The following CLEC4D variants were observed in gnomAD, a reference collection of about 807,000 sequenced individuals.
The protein encoded by CLEC4D is C-type lectin domain family 4 member D, also known as C-type (calcium dependent, carbohydrate-recognition domain) lectin, superfamily member 8.
CLEC4D carries 21 observed loss-of-function variants against 21.1 expected under a neutral mutation model. That is an observed-to-expected ratio of 1.00 (90% CI 0.71 to 1.43). CLEC4D has a LOEUF of 1.43. CLEC4D is among the 40% of genes most tolerant of loss of function. CLEC4D has a pLI of 0.00. For missense variants in CLEC4D, 289 were observed against 260.7 expected, an observed-to-expected ratio of 1.11 and a Z score of -0.75; for synonymous variants, 85 against 83.1, an observed-to-expected ratio of 1.02 and a Z score of -0.12.
chr12:8,517,819 G>C (rs761335661), intron 2 of CLEC4D, among the ~76,000 whole-genome samples: 5 of 152,050 alleles, frequency 3.3e-5, no homozygotes, highest in Non-Finnish European at 5.9e-5. Context: ...GGTGGCGGGC[G>C]CCTGTAGTCC....
At chr12:8,531,011 C>T in the CLEC4D span, among the ~76,000 whole-genome samples, 16 of 152,204 alleles carry the variant, frequency 1.1e-4, no homozygotes, top group East Asian at 1.9e-4. Context: ...TCACCCTGCC[C>T]GGTGCCCTGT....
Position 8,515,260 on chromosome 12 carries a change from T to A in CLEC4D, c.53T>A (p.Leu18Gln). Residue 18 changes from leucine to glutamine, a missense_variant, in exon 2 of 6, where the codon CTG (leucine) becomes CAG (glutamine). Leu to Gln is a moderately radical substitution (Grantham distance 113, BLOSUM62 -2). Transcript: ENST00000299665. Reference protein sequence around the residue: ...SKLEGGMHPQLIPSVIAVVFI... With the variant: ...SKLEGGMHPQQIPSVIAVVFI... ...GTGGAAGGAGGCATGCATCCCCAGCTGATACCTTCGGTTATTGCTGTAGTT... is the reference window on the plus strand; with the variant it reads ...GTGGAAGGAGGCATGCATCCCCAGCAGATACCTTCGGTTATTGCTGTAGTT... 6.6e-7 allele frequency: 1 copy of A among 1,509,886 alleles called. No individual in the cohort carries two copies. The highest frequency in any genetic ancestry group is 9.2e-7 in the Non-Finnish European group (1 of 1,085,364). The allele number at this position is 1,509,886 out of a possible 1,614,324, so 93.5% of individuals were successfully genotyped here. A position where few individuals can be genotyped will look rare whatever the true frequency, so the allele number is the denominator to read the frequency against.
chr12:8,516,329 TAGG>T (rs1025090886), intron 2 of CLEC4D, among the ~76,000 whole-genome samples: 6 of 152,052 alleles, frequency 3.9e-5, no homozygotes, highest in Admixed American at 1.3e-4. Flanking sequence ...TAAAAAGCCA[TAGG>T]AGAAGATACT....
At position 8,521,456 on chromosome 12, in the gene CLEC4D, G is replaced by C; in HGVS notation, c.*185G>C. ...CATGTGTGTATGTGTGTGTGTGTGT[G>C]TGTAGATAATGTGGTTTTTGTATGG... On this transcript the variant is annotated 3_prime_UTR_variant, in exon 6 of 6. Transcript: ENST00000299665. The C allele has an allele frequency of 8.0e-7, 1 of 1,246,932 alleles. No individual in the cohort carries two copies. The highest frequency in any genetic ancestry group is 1.0e-6 in the Non-Finnish European group (1 of 962,432). The allele number at this position is 1,246,932 out of a possible 1,614,324, so 77.2% of individuals were successfully genotyped here. A position where few individuals can be genotyped will look rare whatever the true frequency, so the allele number is the denominator to read the frequency against.
chr12:8,518,990 G>C lies in CLEC4D; in HGVS notation c.233-19G>C, dbSNP rs753298437. 1 of 1,610,272 alleles carries C rather than the reference G, an allele frequency of 6.2e-7. No individual in the cohort carries two copies. The highest frequency in any genetic ancestry group is 1.1e-5 in the South Asian group (1 of 90,568). ...AAATGCTCTTTTGTTACCAATTTCCGTTTTAATTTTCACTTGAGGGAGCAC... is the reference window on the plus strand; with the variant it reads ...AAATGCTCTTTTGTTACCAATTTCCCTTTTAATTTTCACTTGAGGGAGCAC... On this transcript the variant is annotated intron_variant, in intron 3 of 5. Coordinates refer to ENST00000299665, the MANE Select transcript of CLEC4D (RefSeq NM_080387.5).
At chr12:8,526,411 G>A (rs189165186), downstream of CLEC4D, among the ~76,000 whole-genome samples, 1 of 151,762 alleles carries the variant, frequency 6.6e-6, no homozygotes, top group Admixed American at 6.6e-5. Context: ...CTCTATTCTT[G>A]TCTGCATGTC....
At chr12:8,524,666 T>A (rs1488138262), downstream of CLEC4D, among the ~76,000 whole-genome samples, 2 of 152,170 alleles carry the variant, frequency 1.3e-5, no homozygotes, top group Non-Finnish European at 1.5e-5. Context: ...ATTCACTGAT[T>A]TTTTGGAGGG....
In CLEC4D at chr12:8,515,119, C is replaced by G. The variant is rs1028567135; in HGVS notation, c.29-117C>G. 34 of 578,550 alleles carry G rather than the reference C, an allele frequency of 5.9e-5. No homozygotes were observed. In the East Asian group the frequency reaches 7.9e-4, roughly 13 times the overall value. The allele number at this position is 578,550 out of a possible 1,614,324, so 35.8% of individuals were successfully genotyped here. On this transcript the variant is annotated intron_variant, in intron 1 of 5. Coordinates refer to ENST00000299665, the MANE Select transcript of CLEC4D (RefSeq NM_080387.5). ...TTTATTTGGAGAAAATATTTATGCT[C>G]TTCTCTAGATCTGAAATATTTGGTT...
In CLEC4D at chr12:8,513,504, C is replaced by G; in HGVS notation, c.-229C>G. The stretch of plus-strand genomic sequence containing the variant: ...CAATTTCCTTTTTTTTTTTTTTTCG[C>G]CTCATCTCCCGGAATGTATCAAAGG... On this transcript the variant is annotated 5_prime_UTR_variant, in exon 1 of 6. Transcript: ENST00000299665. 6.5e-6 allele frequency: 2 copies of G among 306,436 alleles called. No individual in the cohort carries two copies. The highest frequency in any genetic ancestry group is 1.2e-5 in the Non-Finnish European group (2 of 171,654). 19.0% of individuals were successfully genotyped at this position (306,436 alleles called of 1,614,324 possible).
At chr12:8,513,794 G>A (rs1009500974) in intron 1 of CLEC4D, 34 bp downstream of exon 1, 2 of 929,604 alleles carry the variant, frequency 2.2e-6, no homozygotes, top group Admixed American at 1.7e-5. Flanking sequence ...TTTCAAAGAA[G>A]CAGATGGAAT....
intron 2 of CLEC4D, among the ~76,000 whole-genome samples, chr12:8,516,520 T>G (rs4486677): frequency 0.19 from 28,892 of 152,172 alleles, 2,848 homozygotes; most frequent in Middle Eastern, 0.29. Context: ...TAATTAATTA[T>G]CAGGGAAATG....
At chr12:8,528,669 A>G in the CLEC4D span, among the ~76,000 whole-genome samples, 1 of 152,170 alleles carries the variant, frequency 6.6e-6, no homozygotes, top group Non-Finnish European at 1.5e-5. Flanking sequence ...CATTTTTGAA[A>G]CAGTAATATA....
the CLEC4D span, among the ~76,000 whole-genome samples, chr12:8,529,300 G>A: frequency 3.3e-5 from 5 of 152,118 alleles, no homozygotes; most frequent in Non-Finnish European, 5.9e-5. Flanking sequence ...AATTATGTCA[G>A]TACGCAGAAA....
chr12:8,517,301 ATATT>A (rs1291515444), intron 2 of CLEC4D, among the ~76,000 whole-genome samples: 2 of 151,838 alleles, frequency 1.3e-5, no homozygotes, highest in Non-Finnish European at 2.9e-5. Context: ...TTATTTATTT[ATATT>A]TATTTTATTA....
At chr12:8,529,858 T>C in the CLEC4D span, among the ~76,000 whole-genome samples, 1 of 152,084 alleles carries the variant, frequency 6.6e-6, no homozygotes, top group Admixed American at 6.5e-5. Context: ...TATCTAAAAC[T>C]GAAAAAAATC....
downstream of CLEC4D, among the ~76,000 whole-genome samples, chr12:8,523,909 A>T (rs964570351): frequency 6.6e-6 from 1 of 152,134 alleles, no homozygotes. Flanking sequence ...TTAACATGAA[A>T]GGATGTTTAA....
At chr12:8,529,152 C>A in the CLEC4D span, among the ~76,000 whole-genome samples, 11 of 152,002 alleles carry the variant, frequency 7.2e-5, no homozygotes, top group Non-Finnish European at 1.5e-4. Context: ...AAGCAAATCA[C>A]CAGAGCAATC....
chr12:8,518,424 G>T (rs865839180), intron 3 of CLEC4D, 150 bp downstream of exon 3: 31 of 546,438 alleles, frequency 5.7e-5, no homozygotes, highest in South Asian at 2.7e-4. Flanking sequence ...CCTTAAGATA[G>T]AATTATTTCT....
downstream of CLEC4D, among the ~76,000 whole-genome samples, chr12:8,524,473 C>G (rs1940492307): frequency 6.6e-6 from 1 of 152,024 alleles, no homozygotes; most frequent in Non-Finnish European, 1.5e-5. Flanking sequence ...TGTAGATTTT[C>G]TAGTTTATTT....
Sources: gnomAD v4.1 joint callset for allele counts (sites outside exome capture counted in the v4.1 genomes callset) on GRCh38, gnomAD v4.1.1 for gene constraint, MANE v1.5 for transcripts, NCBI Gene and HGNC (gene_info 2026-07-23, HGNC 2026-07-21) for gene names.